The following DCPS variants were observed in gnomAD, a reference collection of about 807,000 sequenced individuals.
DCPS encodes the protein decapping enzyme, scavenger, also known as m7GpppX diphosphatase.
In DCPS, 27 loss-of-function variants were observed where a neutral mutation model predicts 34.7. The ratio of observed to expected loss-of-function variants is 0.78; its 90% confidence interval spans 0.57 to 1.07. The LOEUF (loss-of-function observed/expected upper bound fraction) is 1.07. DCPS is among the 50% of genes least tolerant of loss of function. The probability of loss-of-function intolerance (pLI) is 0.00; values close to 1 mark genes in which losing one functional copy is unlikely to be tolerated. For missense variants in DCPS, 464 were observed against 436.9 expected (o/e 1.06, Z -0.55); for synonymous variants, 185 against 185.7 (o/e 1.00, Z 0.03).
At chr11:126,304,309 T>A in intron 1 of DCPS, 28 bp downstream of exon 1, 1 of 1,611,386 alleles carries the variant, frequency 6.2e-7, no homozygotes, top group Non-Finnish European at 8.5e-7. Context: ...TGAGGTGGGA[T>A]GCGGGAAGCA....
In DCPS at chr11:126,315,024, C is replaced by T. The variant is rs1951647583; in HGVS notation, c.376+8280C>T. Among the ~76,000 whole-genome samples, 1 of 152,124 alleles carries T rather than the reference C, an allele frequency of 6.6e-6. No individual in the cohort carries two copies. The highest frequency in any genetic ancestry group is 1.9e-4 in the East Asian group (1 of 5,180). On this transcript the variant is annotated intron_variant, in intron 2 of 5. Coordinates refer to ENST00000263579, the MANE Select transcript of DCPS (RefSeq NM_014026.6). The surrounding 1 kb of genome is among the most constrained non-coding windows in gnomAD (Gnocchi z 6.1). ...AAAAAATTGCTCTACCGTAAAGACA[C>T]ATGCACACATATGTTCATTGTAGAG...
At position 126,332,557 on chromosome 11, in the gene DCPS, C is replaced by G. The variant is rs544958829; in HGVS notation, c.522+1007C>G. Among the ~76,000 whole-genome samples the G allele has an allele frequency of 2.5e-4, 38 of 152,284 alleles. No individual in the cohort carries two copies. Among genetic ancestry groups the G allele is most frequent in the Non-Finnish European group, 2.8e-4 (19 of 68,016 alleles). On this transcript the variant is annotated intron_variant, in intron 3 of 5. Transcript: ENST00000263579. This position sits in a 1 kb window ranked among gnomAD's most constrained non-coding sequence, Gnocchi z 5.4. ...GAACTCACAGCCACTCCTCCCTGGC[C>G]CAGAAGAAGGGAGGGTACGCTGTGT...
chr11:126,349,330 C>T lies in DCPS; in HGVS notation c.*3717C>T, dbSNP rs879878163. ...CTGCTGGAGCAGTGGCAGATGTCAC[C>T]CTTCCTAGATAAATCCTGGACGGCT... On this transcript the variant is annotated 3_prime_UTR_variant, in exon 6 of 6. Coordinates refer to ENST00000263579, the MANE Select transcript of DCPS (RefSeq NM_014026.6). This position sits in a 1 kb window ranked among gnomAD's most constrained non-coding sequence, Gnocchi z 5.4. Among the ~76,000 whole-genome samples the T allele has an allele frequency of 6.6e-6, 1 of 152,238 alleles. No homozygotes were observed. Among genetic ancestry groups the T allele is most frequent in the Admixed American group, 6.5e-5 (1 of 15,284 alleles).
At chr11:126,324,120 C>T (rs955241861) in intron 2 of DCPS, among the ~76,000 whole-genome samples, 9 of 152,226 alleles carry the variant, frequency 5.9e-5, no homozygotes, top group Non-Finnish European at 1.3e-4. Flanking sequence ...GTGTGAGCCA[C>T]TGCACCCAGC....
rs1170408690 is a variant in DCPS at position 126,345,354 on chromosome 11, T to A, written c.755T>A (p.Ile252Asn). The change falls in exon 6 of 6, where the codon ATC (isoleucine) becomes AAC (asparagine). Residue 252 changes from isoleucine (I) to asparagine (N), a missense_variant. Coordinates refer to ENST00000263579, the MANE Select transcript of DCPS (RefSeq NM_014026.6). The surrounding 1 kb of genome is among the most constrained non-coding windows in gnomAD (Gnocchi z 7.4). ...RNILHQGQEA[I>N]LQRYRMKGDH... Reference sequence around the variant, plus strand: ...CTGCCCCTGTCTCATCAGGAGGCCATCCTGCAGCGCTACCGGATGAAGGGA... The same window carrying A: ...CTGCCCCTGTCTCATCAGGAGGCCAACCTGCAGCGCTACCGGATGAAGGGA... 1 of 1,613,896 alleles carries A rather than the reference T, an allele frequency of 6.2e-7. No individual in the cohort carries two copies.
Position 126,333,578 on chromosome 11 carries a change from G to C in DCPS, c.522+2028G>C, listed in dbSNP as rs1191423898. On this transcript the variant is annotated intron_variant, in intron 3 of 5. Coordinates refer to ENST00000263579, the MANE Select transcript of DCPS (RefSeq NM_014026.6). The surrounding 1 kb of genome is among the most constrained non-coding windows in gnomAD (Gnocchi z 5.7). ...ATAGAAGTTTACCAGGTGCACAAGGGGAGGGAGGAGCAAGTCCAGAGGCAC... is the reference window on the plus strand; with the variant it reads ...ATAGAAGTTTACCAGGTGCACAAGGCGAGGGAGGAGCAAGTCCAGAGGCAC... 6.6e-6 allele frequency among the ~76,000 whole-genome samples: 1 copy of C among 152,210 alleles called. No homozygotes were observed. Among genetic ancestry groups the C allele is most frequent in the Non-Finnish European group, 1.5e-5 (1 of 68,044 alleles).
In DCPS at chr11:126,332,059, A is replaced by G. The variant is rs2135327833; in HGVS notation, c.522+509A>G. Among the ~76,000 whole-genome samples the G allele has an allele frequency of 6.6e-6, 1 of 152,270 alleles. No individual in the cohort carries two copies. The highest frequency in any genetic ancestry group is 6.5e-5 in the Admixed American group (1 of 15,296). On this transcript the variant is annotated intron_variant, in intron 3 of 5. Coordinates refer to ENST00000263579, the MANE Select transcript of DCPS (RefSeq NM_014026.6). The surrounding 1 kb of genome is among the most constrained non-coding windows in gnomAD (Gnocchi z 5.4). ...TGCTTTGGGTCCATGAATGGGTAAAAGGCTGATGTTGAGTGAGTCCCACCC... is the reference window on the plus strand; with the variant it reads ...TGCTTTGGGTCCATGAATGGGTAAAGGGCTGATGTTGAGTGAGTCCCACCC...
At position 126,313,222 on chromosome 11, in the gene DCPS, G is replaced by T. The variant is rs150394899; in HGVS notation, c.376+6478G>T. On this transcript the variant is annotated intron_variant, in intron 2 of 5. Transcript: ENST00000263579. This position sits in a 1 kb window ranked among gnomAD's most constrained non-coding sequence, Gnocchi z 4.9. ...AGTGAGGCCAGGGCGGGGAGCAGAG[G>T]GGTGGGATCCTGGGAATCGTTTCTC... Among the ~76,000 whole-genome samples, 6 of 152,290 alleles carry T rather than the reference G, an allele frequency of 3.9e-5. No homozygotes were observed. The highest frequency in any genetic ancestry group is 7.4e-5 in the Non-Finnish European group (5 of 68,022).
chr11:126,347,432 C>A lies in DCPS; in HGVS notation c.*1819C>A, dbSNP rs1350162003. On this transcript the variant is annotated 3_prime_UTR_variant, in exon 6 of 6. Transcript: ENST00000263579. The surrounding 1 kb of genome is among the most constrained non-coding windows in gnomAD (Gnocchi z 4.2). Reference sequence around the variant, plus strand: ...AGAGACGGGGTTTCACCATGTTGGCCAGGCTGGTCTCCAACTCCTGGCCTC... The same window carrying A: ...AGAGACGGGGTTTCACCATGTTGGCAAGGCTGGTCTCCAACTCCTGGCCTC... Among the ~76,000 whole-genome samples the A allele has an allele frequency of 6.6e-6, 1 of 152,050 alleles. No individual in the cohort carries two copies. Among genetic ancestry groups the A allele is most frequent in the Non-Finnish European group, 1.5e-5 (1 of 68,014 alleles).
In DCPS at chr11:126,349,890, T is replaced by A. The variant is rs932508802; in HGVS notation, c.*4277T>A. 3.3e-5 allele frequency among the ~76,000 whole-genome samples: 5 copies of A among 152,260 alleles called. No homozygotes were observed. The highest frequency in any genetic ancestry group is 1.2e-4 in the African/African-American group (5 of 41,478). The stretch of plus-strand genomic sequence containing the variant: ...ATTACATTGAATTCTGAAATCCATG[T>A]CAACTTGAAGTTACCAAGTTTTAAC... On this transcript the variant is annotated 3_prime_UTR_variant, in exon 6 of 6. Transcript: ENST00000263579. The surrounding 1 kb of genome is among the most constrained non-coding windows in gnomAD (Gnocchi z 5.4).
chr11:126,330,038 A>G (rs1197057716), intron 2 of DCPS, among the ~76,000 whole-genome samples: 2 of 152,166 alleles, frequency 1.3e-5, no homozygotes, highest in Non-Finnish European at 2.9e-5. Context: ...AATGATGACA[A>G]TTGTACCAGA....
At chr11:126,326,329 C>T (rs1441438696) in intron 2 of DCPS, among the ~76,000 whole-genome samples, 1 of 152,156 alleles carries the variant, frequency 6.6e-6, no homozygotes, top group Admixed American at 6.5e-5. Flanking sequence ...GCTGACCTGC[C>T]GTGGGCAGAT....
rs530827260 is a variant in DCPS, at chr11:126,347,309, T to G, written c.*1696T>G. 6.7e-6 allele frequency among the ~76,000 whole-genome samples: 1 copy of G among 150,144 alleles called. No individual in the cohort carries two copies. The highest frequency in any genetic ancestry group is 2.1e-4 in the East Asian group (1 of 4,858). ...CACAATCTCGACTCACTGCAACCTC[T>G]GCCTCCTGGGTTCAAGTGATTCTCC... On this transcript the variant is annotated 3_prime_UTR_variant, in exon 6 of 6. Coordinates refer to ENST00000263579, the MANE Select transcript of DCPS (RefSeq NM_014026.6). The surrounding 1 kb of genome is among the most constrained non-coding windows in gnomAD (Gnocchi z 4.2).
In DCPS at chr11:126,327,450, C is replaced by T. The variant is rs1183665387; in HGVS notation, c.377-3955C>T. Among the ~76,000 whole-genome samples the T allele has an allele frequency of 1.1e-4, 16 of 152,172 alleles. No individual in the cohort carries two copies. Among genetic ancestry groups the T allele is most frequent in the Admixed American group, 7.9e-4 (12 of 15,280 alleles). ...GTGGTAGCCTTTTGCTGCTGTAAAG[C>T]GACTCGTGTTCCCTTTGTAATTAAT... is the stretch of plus-strand genomic sequence containing the variant. On this transcript the variant is annotated intron_variant, in intron 2 of 5. Coordinates refer to ENST00000263579, the MANE Select transcript of DCPS (RefSeq NM_014026.6). The surrounding 1 kb of genome is among the most constrained non-coding windows in gnomAD (Gnocchi z 4.1).
rs1951622080 is a variant in DCPS at position 126,312,149 on chromosome 11, T to C, written c.376+5405T>C. ...TTTCACCACATTGGCCAGGCTAGTC[T>C]CGGACTCCTGACCTCAGGTGATCCA... On this transcript the variant is annotated intron_variant, in intron 2 of 5. Coordinates refer to ENST00000263579, the MANE Select transcript of DCPS (RefSeq NM_014026.6). The surrounding 1 kb of genome is among the most constrained non-coding windows in gnomAD (Gnocchi z 5.1). Among the ~76,000 whole-genome samples the C allele has an allele frequency of 6.6e-6, 1 of 152,022 alleles. No homozygotes were observed. Among genetic ancestry groups the C allele is most frequent in the Non-Finnish European group, 1.5e-5 (1 of 68,016 alleles).
Position 126,331,477 on chromosome 11 carries a change from T to C in DCPS, c.449T>C (p.Leu150Pro), listed in dbSNP as rs1319330204. 6.2e-7 allele frequency: 1 copy of C among 1,614,044 alleles called. No homozygotes were observed. Among genetic ancestry groups the C allele is most frequent in the East Asian group, 2.2e-5 (1 of 44,890 alleles). The stretch of plus-strand genomic sequence containing the variant: ...AAGTACCTGCGCCAGGACCTCCGCC[T>C]GATCCGAGAGACGGGAGATGACTAC... ...LQKYLRQDLR[L>P]IRETGDDYRN... Residue 150 changes from leucine to proline, a missense_variant, in exon 3 of 6, where the codon CTG becomes CCG. Transcript: ENST00000263579. This position sits in a 1 kb window ranked among gnomAD's most constrained non-coding sequence, Gnocchi z 7.2.
chr11:126,326,912 G>A (rs1794089), intron 2 of DCPS, among the ~76,000 whole-genome samples: 30,100 of 150,422 alleles, frequency 0.2, 3,184 homozygotes, highest in Non-Finnish European at 0.23. Context: ...GACAGAGCGA[G>A]ACTCTGTCTC....
Position 126,344,965 on chromosome 11 carries a change from T to C in DCPS, c.748-382T>C, listed in dbSNP as rs1307172842. On this transcript the variant is annotated intron_variant, in intron 5 of 5. Coordinates refer to ENST00000263579, the MANE Select transcript of DCPS (RefSeq NM_014026.6). The surrounding 1 kb of genome is among the most constrained non-coding windows in gnomAD (Gnocchi z 8.1). ...CCCATCCACTTCATGACTGATGAAA[T>C]GCTTCTAAATCATGAAAGTCCCCAT... Among the ~76,000 whole-genome samples the C allele has an allele frequency of 6.6e-6, 1 of 152,210 alleles. No homozygotes were observed. The highest frequency in any genetic ancestry group is 1.9e-4 in the East Asian group (1 of 5,196).
rs1195187089 is a variant in DCPS, at chr11:126,334,491, C to T, written c.522+2941C>T. Among the ~76,000 whole-genome samples, 1 of 152,054 alleles carries T rather than the reference C, an allele frequency of 6.6e-6. No homozygotes were observed. The highest frequency in any genetic ancestry group is 1.5e-5 in the Non-Finnish European group (1 of 68,010). ...CCCAAGTAGCTGGGATTACAGGCGCCCGCCACTATGCTGGGCTAATTTTTG... is the reference window on the plus strand; with the variant it reads ...CCCAAGTAGCTGGGATTACAGGCGCTCGCCACTATGCTGGGCTAATTTTTG... On this transcript the variant is annotated intron_variant, in intron 3 of 5. Coordinates refer to ENST00000263579, the MANE Select transcript of DCPS (RefSeq NM_014026.6). This position sits in a 1 kb window ranked among gnomAD's most constrained non-coding sequence, Gnocchi z 5.5.
Sources: allele counts gnomAD v4.1 joint callset (sites outside exome capture counted in the v4.1 genomes callset), GRCh38; gene constraint gnomAD v4.1.1; non-coding constraint Gnocchi (gnomAD v3.1); transcripts MANE v1.5; gene names NCBI Gene and HGNC (gene_info 2026-07-23, HGNC 2026-07-21).